Variants in PCDHA11 observed in about 807,000 individuals in gnomAD.
PCDHA11 encodes the protein protocadherin alpha-11.
In PCDHA11, 61 loss-of-function variants were observed where a neutral mutation model predicts 70.3. The ratio of observed to expected loss-of-function variants is 0.87; its 90% confidence interval spans 0.71 to 1.07. The LOEUF (loss-of-function observed/expected upper bound fraction) is 1.07, where lower values mean the gene tolerates loss of function less well. Among genes scored for constraint, PCDHA11 ranks in the 50% least tolerant of loss-of-function variants. The probability of loss-of-function intolerance (pLI) is 0.00; values close to 1 mark genes in which losing one functional copy is unlikely to be tolerated. For synonymous variants in PCDHA11, 633 were observed against 555.1 expected, an observed-to-expected ratio of 1.14 and a Z score of -1.97; for missense variants, 1,324 against 1,237.5, an observed-to-expected ratio of 1.07 and a Z score of -1.05.
Position 140,870,001 on chromosome 5 carries a change from G to T in PCDHA11, c.898G>T (p.Glu300Ter). The T allele has an allele frequency of 2.1e-5, 34 of 1,613,566 alleles. No homozygotes were observed. Among genetic ancestry groups the T allele is most frequent in the Non-Finnish European group, 2.9e-5 (34 of 1,179,794 alleles). Residue 300 changes from glutamate to a stop codon, truncating the protein, a stop_gained, in exon 1 of 4, where the codon GAA becomes TAA. Transcript: ENST00000398640. LOFTEE classifies it high-confidence loss of function. The part of the protein sequence containing the change: ...HLFTLDQNNG[E>*]VRVNGTLDYE... ...ATTTACACTAGATCAAAATAATGGA[G>T]AAGTGAGGGTCAATGGAACTTTAGA... is the stretch of plus-strand genomic sequence containing the variant.
intron 1 of PCDHA11, among the ~76,000 whole-genome samples, chr5:140,909,973 G>A (rs2074802854): frequency 6.6e-6 from 1 of 152,198 alleles, no homozygotes; most frequent in Admixed American, 6.5e-5. Context: ...GGGGAAGGAT[G>A]GGAGAAAGAC....
chr5:140,904,877 AC>A (rs2071441380), intron 1 of PCDHA11, among the ~76,000 whole-genome samples: 1 of 151,792 alleles, frequency 6.6e-6, no homozygotes, highest in African/African-American at 2.4e-5. Context: ...TCCTTAGCTC[AC>A]TTTTTGATGG....
chr5:141,011,182 G>T lies in PCDHA11; in HGVS notation c.*1245G>T, dbSNP rs887034679. On this transcript the variant is annotated 3_prime_UTR_variant, in exon 4 of 4. Coordinates refer to ENST00000398640, the MANE Select transcript of PCDHA11 (RefSeq NM_018902.5). ...TATATATCAAGACCCAAAAATTGAA[G>T]AAAAATATTGTTTTCTCATACAGTG... 1.3e-5 allele frequency: 2 copies of T among 153,494 alleles called. No individual in the cohort carries two copies. Among genetic ancestry groups the T allele is most frequent in the Admixed American group, 6.6e-5 (1 of 15,254 alleles). The allele number at this position is 153,494 out of a possible 1,614,324, so 9.5% of individuals were successfully genotyped here.
chr5:140,999,403 A>G (rs1325467300), intron 3 of PCDHA11, among the ~76,000 whole-genome samples: 7 of 152,176 alleles, frequency 4.6e-5, no homozygotes, highest in African/African-American at 1.7e-4. Context: ...TTTGCATATG[A>G]AAGAATGGGA....
At chr5:140,985,228 C>T (rs1022229644) in intron 3 of PCDHA11, among the ~76,000 whole-genome samples, 2 of 152,156 alleles carry the variant, frequency 1.3e-5, no homozygotes, top group Admixed American at 6.5e-5. Flanking sequence ...TGAGCCACCG[C>T]GCCTGGCCTA....
chr5:140,895,838 TCTCA>T (rs1554186667), intron 1 of PCDHA11, among the ~76,000 whole-genome samples: 2 of 152,136 alleles, frequency 1.3e-5, no homozygotes, highest in Admixed American at 1.3e-4. Context: ...TCAGACAAAG[TCTCA>T]CTCTTGTACC....
Position 140,979,001 on chromosome 5 carries a change from T to C in PCDHA11, c.2444T>C (p.Met815Thr). ...WRYSASLRAG[M>T]HSSVHLEEAG... Reference sequence around the variant, plus strand: ...TACTCTGCCTCCCTGAGAGCAGGCATGCACAGGTATGTATTTCCCTCCTCA... The same window carrying C: ...TACTCTGCCTCCCTGAGAGCAGGCACGCACAGGTATGTATTTCCCTCCTCA... Residue 815 changes from methionine (M) to threonine (T), a missense_variant, in exon 2 of 4, where the codon ATG becomes ACG. By Grantham distance (81) the Met-to-Thr change is moderately conservative (BLOSUM62 -1). Transcript: ENST00000398640. 6.2e-7 allele frequency: 1 copy of C among 1,614,148 alleles called. No individual in the cohort carries two copies. Among genetic ancestry groups the C allele is most frequent in the Non-Finnish European group, 8.5e-7 (1 of 1,180,016 alleles).
chr5:140,947,100 T>C (rs782585215), intron 1 of PCDHA11, among the ~76,000 whole-genome samples: 16 of 151,438 alleles, frequency 1.1e-4, no homozygotes, highest in Non-Finnish European at 2.1e-4. Context: ...AGCCCATAAA[T>C]AGGTACGTGT....
chr5:140,908,795 A>C (rs2074156138), intron 1 of PCDHA11, among the ~76,000 whole-genome samples: 1 of 152,202 alleles, frequency 6.6e-6, no homozygotes, highest in South Asian at 2.1e-4. Context: ...TCTGTACTAC[A>C]TTAAAAAGTG....
chr5:140,906,646 G>GT (rs35557065), intron 1 of PCDHA11, among the ~76,000 whole-genome samples: 1 of 152,192 alleles, frequency 6.6e-6, no homozygotes, highest in Non-Finnish European at 1.5e-5. Context: ...GCAGGTAGTG[G>GT]TTTTTTCCTG....
At chr5:140,986,859 C>T (rs1554248338) in intron 3 of PCDHA11, among the ~76,000 whole-genome samples, 1 of 152,152 alleles carries the variant, frequency 6.6e-6, no homozygotes, top group East Asian at 1.9e-4. Context: ...ACCAACAATA[C>T]CCGGAAACTT....
In PCDHA11 at chr5:140,875,735, C is replaced by A. The variant is rs376701509; in HGVS notation, c.2391+4241C>A. The stretch of plus-strand genomic sequence containing the variant: ...CAGAATGGCATTTTGTTTGTGAATT[C>A]TCGGATCGACCGCGAGAAGCTGTGC... On this transcript the variant is annotated intron_variant, in intron 1 of 3. Coordinates refer to ENST00000398640, the MANE Select transcript of PCDHA11 (RefSeq NM_018902.5). 16 of 1,614,114 alleles carry A rather than the reference C, an allele frequency of 9.9e-6. No homozygotes were observed. In the Middle Eastern group the frequency reaches 4.9e-4, roughly 50 times the overall value.
intron 1 of PCDHA11, among the ~76,000 whole-genome samples, chr5:140,926,207 C>A (rs1259453811): frequency 6.6e-6 from 1 of 152,074 alleles, no homozygotes; most frequent in Non-Finnish European, 1.5e-5. Flanking sequence ...TCGGGGGGCT[C>A]CTGTTTCCTT....
intron 1 of PCDHA11, among the ~76,000 whole-genome samples, chr5:140,871,854 A>C (rs1271399215): frequency 6.6e-6 from 1 of 152,254 alleles, no homozygotes; most frequent in African/African-American, 2.4e-5. Context: ...TATGACCATA[A>C]TAACTATGGA....
intron 1 of PCDHA11, among the ~76,000 whole-genome samples, chr5:140,961,280 C>T (rs246003): frequency 7.2e-5 from 11 of 152,104 alleles, no homozygotes; most frequent in Non-Finnish European, 1.0e-4. Flanking sequence ...TACCATGGCT[C>T]TGTTTCTTGA....
intron 1 of PCDHA11, among the ~76,000 whole-genome samples, chr5:140,970,314 A>G (rs141905108): frequency 0.01 from 1,597 of 152,320 alleles, 13 homozygotes; most frequent in Middle Eastern, 0.014. Flanking sequence ...AAGTTAAATG[A>G]CAGTACTTCC....
intron 3 of PCDHA11, among the ~76,000 whole-genome samples, chr5:140,993,036 GTCA>G (rs1415732601): frequency 6.6e-6 from 1 of 152,182 alleles, no homozygotes; most frequent in Non-Finnish European, 1.5e-5. Flanking sequence ...GGCTCCGTGT[GTCA>G]TCAAGATGTC....
At chr5:140,954,076 C>T (rs941125208) in intron 1 of PCDHA11, among the ~76,000 whole-genome samples, 4 of 152,150 alleles carry the variant, frequency 2.6e-5, no homozygotes, top group Non-Finnish European at 2.9e-5. Context: ...AGGATAATGG[C>T]TTCCAGCTCC....
intron 1 of PCDHA11, among the ~76,000 whole-genome samples, chr5:140,893,814 T>C (rs1254433414): frequency 6.6e-6 from 1 of 152,204 alleles, no homozygotes; most frequent in Non-Finnish European, 1.5e-5. Flanking sequence ...TTGAGTCTGG[T>C]ACCGTAGACT....
Sources: gnomAD v4.1 joint callset for allele counts (sites outside exome capture counted in the v4.1 genomes callset) on GRCh38, gnomAD v4.1.1 for gene constraint, MANE v1.5 for transcripts, NCBI Gene and HGNC (gene_info 2026-07-23, HGNC 2026-07-21) for gene names.